The following ZNF267 variants were observed in gnomAD, a reference collection of about 807,000 sequenced individuals.
The protein encoded by ZNF267 is zinc finger protein 267.
A neutral mutation model predicts 71.6 loss-of-function variants in ZNF267; 61 were observed. That is an observed-to-expected ratio of 0.85 (90% CI 0.69 to 1.05). The LOEUF is 1.05. ZNF267 is among the 50% of genes least tolerant of loss of function. ZNF267 has a pLI of 0.00. For missense variants in ZNF267, 852 were observed against 870.0 expected (o/e 0.98, Z 0.26); for synonymous variants, 288 against 293.2 (o/e 0.98, Z 0.18).
At chr16:31,884,458 C>T (rs2083909851) in intron 1 of ZNF267, 40 bp from the exon 2 acceptor site, 2 of 1,613,078 alleles carry the variant, frequency 1.2e-6, no homozygotes, top group African/African-American at 1.3e-5. Context: ...AGAACTCTGC[C>T]ATGGCCACAT....
intron 3 of ZNF267, among the ~76,000 whole-genome samples, chr16:31,897,155 A>C (rs527290481): frequency 1.1e-4 from 17 of 151,508 alleles, no homozygotes; most frequent in Admixed American, 2.6e-4. Context: ...AACAAAACAA[A>C]ACAAAAAAAA....
rs182545039 is a variant in ZNF267 at position 31,909,720 on chromosome 16, G to A, written c.227-4756G>A. Among the ~76,000 whole-genome samples the A allele has an allele frequency of 4.9e-3, 741 of 152,178 alleles. 3 individuals carry two copies. The highest frequency in any genetic ancestry group is 8.3e-3 in the Non-Finnish European group (565 of 68,008). ...CATCTGCAAACAAGAATAATTTGACGACTTCCTTTCCAATTTGGATGCCAT... is the reference window on the plus strand; with the variant it reads ...CATCTGCAAACAAGAATAATTTGACAACTTCCTTTCCAATTTGGATGCCAT... On this transcript the variant is annotated intron_variant, in intron 3 of 3. Transcript: ENST00000300870.
intron 3 of ZNF267, among the ~76,000 whole-genome samples, chr16:31,907,441 C>T (rs1428602129): frequency 6.6e-6 from 1 of 152,022 alleles, no homozygotes; most frequent in African/African-American, 2.4e-5. Flanking sequence ...GATTTTTTAC[C>T]TGCTACATCA....
At chr16:31,895,315 C>T (rs772885808) in intron 3 of ZNF267, among the ~76,000 whole-genome samples, 28 of 152,150 alleles carry the variant, frequency 1.8e-4, no homozygotes, top group African/African-American at 2.7e-4. Context: ...TTTTAATGGC[C>T]GAAAAGTATT....
chr16:31,902,649 T>C (rs1405806735), intron 3 of ZNF267, among the ~76,000 whole-genome samples: 1 of 152,244 alleles, frequency 6.6e-6, no homozygotes, highest in African/African-American at 2.4e-5. Context: ...TTTTGTATCC[T>C]GAGACTTTGC....
At chr16:31,884,788 T>G (rs1449676826) in intron 2 of ZNF267, among the ~76,000 whole-genome samples, 164 bp downstream of exon 2, 1 of 152,246 alleles carries the variant, frequency 6.6e-6, no homozygotes, top group Non-Finnish European at 1.5e-5. Context: ...AATGTTTGAT[T>G]TTGACATTCG....
chr16:31,913,033 A>G (rs553684164), intron 3 of ZNF267: 21 of 152,316 alleles, frequency 1.4e-4, no homozygotes, highest in Admixed American at 1.0e-3. Flanking sequence ...AGGTGAGGCC[A>G]TATTTTACTG....
Position 31,916,504 on chromosome 16 carries a change from T to C in ZNF267, c.*23T>C. The C allele has an allele frequency of 6.3e-7, 1 of 1,586,606 alleles. No homozygotes were observed. Among genetic ancestry groups the C allele is most frequent in the Non-Finnish European group, 8.6e-7 (1 of 1,166,130 alleles). On this transcript the variant is annotated 3_prime_UTR_variant, in exon 4 of 4. Coordinates refer to ENST00000300870, the MANE Select transcript of ZNF267 (RefSeq NM_003414.6). ...TAAAAATGTAAAACATGGAGCAGAT[T>C]TTTTACTTGTTACCCATGTCTTATT...
At chr16:31,902,680 A>G (rs2084051678) in intron 3 of ZNF267, among the ~76,000 whole-genome samples, 1 of 152,212 alleles carries the variant, frequency 6.6e-6, no homozygotes, top group East Asian at 1.9e-4. Context: ...TATCAGCTTA[A>G]GGAGATTTTG....
chr16:31,907,164 A>G (rs1408962921), intron 3 of ZNF267, among the ~76,000 whole-genome samples: 2 of 152,072 alleles, frequency 1.3e-5, no homozygotes, highest in Admixed American at 1.3e-4. Context: ...TCTGATTATA[A>G]TGTCTCATGT....
intron 3 of ZNF267, among the ~76,000 whole-genome samples, chr16:31,894,109 A>C (rs1007939082): frequency 2.6e-5 from 4 of 152,252 alleles, no homozygotes; most frequent in Admixed American, 1.3e-4. Context: ...CAGCAAGGTC[A>C]CATTTTTCAA....
intron 3 of ZNF267, among the ~76,000 whole-genome samples, chr16:31,890,055 A>G (rs1280614618): frequency 6.6e-6 from 1 of 152,228 alleles, no homozygotes; most frequent in Non-Finnish European, 1.5e-5. Flanking sequence ...CATATGATCT[A>G]TCCTGGAGAA....
At chr16:31,890,831 C>T (rs1182710172) in intron 3 of ZNF267, among the ~76,000 whole-genome samples, 2 of 152,194 alleles carry the variant, frequency 1.3e-5, no homozygotes, top group Non-Finnish European at 2.9e-5. Flanking sequence ...GGCCTAACCA[C>T]TTCTTAAAGA....
chr16:31,904,648 C>G (rs911748282), intron 3 of ZNF267, among the ~76,000 whole-genome samples: 6 of 152,124 alleles, frequency 3.9e-5, no homozygotes, highest in Non-Finnish European at 8.8e-5. Context: ...GTAGATCTTC[C>G]TCCGTCCCTT....
intron 3 of ZNF267, among the ~76,000 whole-genome samples, chr16:31,909,696 A>G (rs1467538091): frequency 1.3e-5 from 2 of 152,208 alleles, no homozygotes; most frequent in African/African-American, 4.8e-5. Flanking sequence ...AGACTGTACC[A>G]TCTGCAAACA....
At chr16:31,897,994 C>T (rs930438766) in intron 3 of ZNF267, among the ~76,000 whole-genome samples, 15 of 152,048 alleles carry the variant, frequency 9.9e-5, no homozygotes, top group African/African-American at 3.6e-4. Context: ...CTTTAGTGTT[C>T]AAGTCTTCTG....
intron 3 of ZNF267, among the ~76,000 whole-genome samples, chr16:31,887,507 C>T (rs2083932081): frequency 6.6e-6 from 1 of 152,022 alleles, no homozygotes; most frequent in Admixed American, 6.5e-5. Flanking sequence ...ATGCTTTGTT[C>T]TAGAAGTTAT....
Position 31,916,858 on chromosome 16 carries a change from CAG to C in ZNF267, c.*381_*382del, listed in dbSNP as rs1000872634. 5 of 177,668 alleles carry C rather than the reference CAG, an allele frequency of 2.8e-5. No individual in the cohort carries two copies. Among genetic ancestry groups the C allele is most frequent in the South Asian group, 1.2e-4 (1 of 8,390 alleles). The allele number at this position is 177,668 out of a possible 1,614,324, so 11.0% of individuals were successfully genotyped here. Reference sequence around the variant, plus strand: ...AATAAAAAATGAAGTCTAAATGTGTCAGAGAATTTATGTGAGAAAGGACTAAA... The same window carrying C: ...AATAAAAAATGAAGTCTAAATGTGTCAGAATTTATGTGAGAAAGGACTAAA... On this transcript the variant is annotated 3_prime_UTR_variant, in exon 4 of 4. Transcript: ENST00000300870.
rs757828337 is a variant in ZNF267 at position 31,884,620 on chromosome 16, T to C, written c.126T>C (p.Ser42=). Residue 42 remains serine, a synonymous_variant, in exon 2 of 4, where the codon TCT becomes TCC. Coordinates refer to ENST00000300870, the MANE Select transcript of ZNF267 (RefSeq NM_003414.6). ...VMLENYRNLV[S]LGLVVSKPDL... ...TAGAAAACTACAGAAACCTGGTCTC[T>C]CTGGGTGAGGATAACTTGCCTTCGG... 3.7e-6 allele frequency: 6 copies of C among 1,611,922 alleles called. No homozygotes were observed. The highest frequency in any genetic ancestry group is 5.1e-6 in the Non-Finnish European group (6 of 1,179,296).
Sources: allele counts gnomAD v4.1 joint callset (sites outside exome capture counted in the v4.1 genomes callset), GRCh38; gene constraint gnomAD v4.1.1; transcripts MANE v1.5; gene names NCBI Gene and HGNC (gene_info 2026-07-23, HGNC 2026-07-21).